ARHGEF7: variants seen among roughly 807,000 people sequenced by gnomAD.
ARHGEF7 encodes PAK-interacting exchange factor beta.
In ARHGEF7, 33 loss-of-function variants were observed where a neutral mutation model predicts 109.8. That is an observed-to-expected ratio of 0.30 (90% confidence interval 0.23 to 0.40). ARHGEF7 has a LOEUF of 0.40. Among genes scored for constraint, ARHGEF7 ranks in the 10% least tolerant of loss-of-function variants. ARHGEF7 has a pLI of 1.00. For missense variants in ARHGEF7, 938 were observed against 1,098.5 expected (o/e 0.85, Z 2.07); for synonymous variants, 458 against 424.6 (o/e 1.08, Z -0.97).
At chr13:111,136,134 CAGGGATGA>C (rs1457648821) in intron 1 of ARHGEF7, among the ~76,000 whole-genome samples, 1 of 152,110 alleles carries the variant, frequency 6.6e-6, no homozygotes, top group African/African-American at 2.4e-5. Context: ...CCTTGCATCC[CAGGGATGA>C]AGCCCACTTG....
chr13:111,196,177 T>A (rs904905020), intron 2 of ARHGEF7, among the ~76,000 whole-genome samples: 6 of 152,176 alleles, frequency 3.9e-5, no homozygotes, highest in African/African-American at 1.4e-4. Context: ...ATTGAATAAT[T>A]AATGGGCTTT....
At chr13:111,296,560 C>T (rs977646443) in intron 19 of ARHGEF7, among the ~76,000 whole-genome samples, 4 of 152,130 alleles carry the variant, frequency 2.6e-5, no homozygotes, top group East Asian at 3.8e-4. Context: ...TTTTCTTACT[C>T]CCACCTCCAT....
intron 18 of ARHGEF7, among the ~76,000 whole-genome samples, chr13:111,289,844 G>A (rs377697267): frequency 3.6e-4 from 54 of 151,838 alleles, no homozygotes; most frequent in African/African-American, 1.2e-3. Flanking sequence ...ACCATATCCC[G>A]TCTATGACAT....
chr13:111,193,799 C>A (rs1487951902), intron 2 of ARHGEF7, among the ~76,000 whole-genome samples: 2 of 152,202 alleles, frequency 1.3e-5, no homozygotes, highest in Non-Finnish European at 2.9e-5. Flanking sequence ...GTTAAGGGGA[C>A]TTCCAAGAGA....
chr13:111,241,324 G>C (rs1725906961), intron 6 of ARHGEF7: 2 of 1,536,074 alleles, frequency 1.3e-6, no homozygotes, highest in African/African-American at 2.7e-5. Flanking sequence ...AGACGAGGAG[G>C]GGAAGAAAGG....
chr13:111,200,411 C>T (rs867265634), intron 2 of ARHGEF7, among the ~76,000 whole-genome samples: 5 of 152,070 alleles, frequency 3.3e-5, no homozygotes, highest in South Asian at 2.1e-4. Context: ...TTCTGTTCAG[C>T]CAGCTCTCTT....
intron 16 of ARHGEF7, among the ~76,000 whole-genome samples, chr13:111,285,836 C>T (rs1458733953): frequency 1.3e-5 from 2 of 152,080 alleles, no homozygotes; most frequent in Non-Finnish European, 2.9e-5. Context: ...GATGTCTGTG[C>T]ACACCAGCGC....
intron 3 of ARHGEF7, among the ~76,000 whole-genome samples, chr13:111,207,063 A>G (rs1277019238): frequency 6.6e-6 from 1 of 152,326 alleles, no homozygotes; most frequent in Admixed American, 6.5e-5. Context: ...CTGGAATTTA[A>G]TACAAGAAAT....
In ARHGEF7 at chr13:111,267,543, T is replaced by C; in HGVS notation, c.951-5T>C. The C allele has an allele frequency of 6.2e-7, 1 of 1,613,824 alleles. No individual in the cohort carries two copies. Among genetic ancestry groups the C allele is most frequent in the Non-Finnish European group, 8.5e-7 (1 of 1,179,788 alleles). Reference sequence around the variant, plus strand: ...ACTATTTCCCTTTGTGTCGCATTTCTCCAGGTTGCCCGAAGCTCAGCAGAG... The same window carrying C: ...ACTATTTCCCTTTGTGTCGCATTTCCCCAGGTTGCCCGAAGCTCAGCAGAG... On this transcript the variant is annotated splice_region_variant and splice_polypyrimidine_tract_variant and intron_variant, in intron 8 of 21. Coordinates refer to ENST00000646102, the MANE Select transcript of ARHGEF7 (RefSeq NM_001354046.2).
chr13:111,215,040 C>T (rs924044837), intron 4 of ARHGEF7, among the ~76,000 whole-genome samples: 11 of 151,862 alleles, frequency 7.2e-5, no homozygotes, highest in East Asian at 1.9e-4. Flanking sequence ...ACAGTAGGGA[C>T]GGCCACTTTT....
At chr13:111,236,472 C>T (rs143330295) in intron 6 of ARHGEF7, among the ~76,000 whole-genome samples, 1 of 152,264 alleles carries the variant, frequency 6.6e-6, no homozygotes, top group Non-Finnish European at 1.5e-5. Flanking sequence ...AATCCACCTC[C>T]CCTGGGTTAT....
chr13:111,206,896 A>G (rs929950006), intron 3 of ARHGEF7, among the ~76,000 whole-genome samples: 1 of 144,092 alleles, frequency 6.9e-6, no homozygotes, highest in Non-Finnish European at 1.5e-5. Flanking sequence ...CGGGAGGCGG[A>G]GCTTGCAGTG....
chr13:111,190,722 T>C (rs961997381), intron 2 of ARHGEF7, among the ~76,000 whole-genome samples: 1 of 152,176 alleles, frequency 6.6e-6, no homozygotes, highest in Non-Finnish European at 1.5e-5. Context: ...GCAATGTTAA[T>C]GTTGGGACTT....
chr13:111,250,837 C>G lies in ARHGEF7; in HGVS notation c.950+6543C>G, dbSNP rs990333245. Among the ~76,000 whole-genome samples the G allele has an allele frequency of 5.9e-5, 9 of 152,168 alleles. No individual in the cohort carries two copies. In the South Asian group the frequency reaches 1.0e-3, roughly 18 times the overall value. On this transcript the variant is annotated intron_variant, in intron 8 of 21. Transcript: ENST00000646102. ...CCAGTTTATTATGAAGGATGCAACT[C>G]AGAATGAGATGGATAGAAGAAAGAT...
chr13:111,274,709 T>C (rs747469195), intron 10 of ARHGEF7, 22 bp from the exon 11 acceptor site: 2 of 1,409,102 alleles, frequency 1.4e-6, no homozygotes, highest in Non-Finnish European at 1.9e-6. Flanking sequence ...GAAAGCTAAT[T>C]GTATGTTTCT....
chr13:111,189,515 C>G (rs1304001497), intron 2 of ARHGEF7, among the ~76,000 whole-genome samples: 1 of 152,146 alleles, frequency 6.6e-6, no homozygotes, highest in East Asian at 1.9e-4. Flanking sequence ...GCTGCAGACC[C>G]TCGTGGTGAG....
At chr13:111,172,329 A>G (rs2077680735) in intron 2 of ARHGEF7, among the ~76,000 whole-genome samples, 3 of 151,834 alleles carry the variant, frequency 2.0e-5, no homozygotes, top group Admixed American at 2.0e-4. Context: ...CTATAAATGG[A>G]AGCACTCACT....
chr13:111,132,413 G>A (rs545151267), intron 1 of ARHGEF7, among the ~76,000 whole-genome samples: 35 of 152,312 alleles, frequency 2.3e-4, no homozygotes, highest in African/African-American at 7.9e-4. Flanking sequence ...TGGGGACACT[G>A]CCAAAACTAG....
chr13:111,221,709 G>GTATCTATC (rs10624279), intron 5 of ARHGEF7, among the ~76,000 whole-genome samples: 1 of 145,132 alleles, frequency 6.9e-6, no homozygotes, highest in Non-Finnish European at 1.5e-5. Context: ...ATATCTATCT[G>GTATCTATC]TATCTATCTA....
Sources: allele counts gnomAD v4.1 joint callset (sites outside exome capture counted in the v4.1 genomes callset), GRCh38; gene constraint gnomAD v4.1.1; transcripts MANE v1.5; gene names NCBI Gene and HGNC (gene_info 2026-07-23, HGNC 2026-07-21).